Variants in GYG2 observed in about 807,000 individuals in gnomAD.
GYG2 encodes glycogenin 2, also known as glycogenin-2.
In GYG2, 29 loss-of-function variants were observed where a neutral mutation model predicts 29.4. The observed-to-expected ratio is 0.99, with a 90% CI of 0.74 to 1.35. The LOEUF is 1.35. Ranked by LOEUF, GYG2 falls within the 40% of genes most tolerant of loss-of-function variation. The probability of loss-of-function intolerance (pLI) is 0.00; values close to 1 mark genes in which losing one functional copy is unlikely to be tolerated. For missense variants in GYG2, 370 were observed against 385.7 expected, an observed-to-expected ratio of 0.96 and a Z score of 0.34; for synonymous variants, 167 against 172.3, an observed-to-expected ratio of 0.97 and a Z score of 0.24.
rs1569064638 is a variant in GYG2, at chrX:2,856,760, C to CTATCTATG, written c.614+143_614+144insGTATCTAT. The stretch of plus-strand genomic sequence containing the variant: ...ATCATCTATCTATCTATGTATCTAT[C>CTATCTATG]TATCTATCTATCTATCTATCTATCT... On this transcript the variant is annotated intron_variant, in intron 6 of 10. Transcript: ENST00000398806. 240 of 372,012 alleles carry CTATCTATG rather than the reference C, an allele frequency of 6.5e-4. 2 individuals are homozygous for CTATCTATG. Among genetic ancestry groups the CTATCTATG allele is most frequent in the South Asian group, 4.7e-3 (107 of 22,681 alleles). 30.7% of individuals were successfully genotyped at this position (372,012 alleles called of 1,213,427 possible). A position where few individuals can be genotyped will look rare whatever the true frequency, so the allele number is the denominator to read the frequency against.
At chrX:2,854,523 AC>A (rs2087935903) in intron 4 of GYG2, among the ~76,000 whole-genome samples, 1 of 111,913 alleles carries the variant, frequency 8.9e-6, no homozygotes. Flanking sequence ...GGCATAACAT[AC>A]CCCCGAGCAC....
At chrX:2,859,620 T>C (rs1427138686) in intron 6 of GYG2, among the ~76,000 whole-genome samples, 1 of 110,995 alleles carries the variant, frequency 9.0e-6, no homozygotes, top group Non-Finnish European at 1.9e-5. Context: ...ATGGGTCATA[T>C]ATTGATTACT....
chrX:2,855,316 G>A (rs1765653276), intron 5 of GYG2, among the ~76,000 whole-genome samples, 161 bp downstream of exon 5: 1 of 111,952 alleles, frequency 8.9e-6, no homozygotes, highest in Admixed American at 9.5e-5. Context: ...TTGTATGAAC[G>A]TCCCAGAGTG....
At chrX:2,858,226 C>T (rs1001985201) in intron 6 of GYG2, among the ~76,000 whole-genome samples, 5 of 111,415 alleles carry the variant, frequency 4.5e-5, no homozygotes, top group Admixed American at 9.6e-5. Context: ...CTTTGGGGGC[C>T]GAGGTGGGCG....
intron 9 of GYG2, among the ~76,000 whole-genome samples, chrX:2,876,805 T>C (rs769263647): frequency 1.3e-3 from 146 of 109,594 alleles, no homozygotes; most frequent in African/African-American, 4.3e-3. Context: ...AAAAATTAGC[T>C]GGGCGTGGTG....
chrX:2,868,451 C>T (rs185689335), intron 8 of GYG2, among the ~76,000 whole-genome samples: 1,108 of 91,778 alleles, frequency 0.012, 25 homozygotes, highest in African/African-American at 0.043. Flanking sequence ...AGTGAGACTC[C>T]GTCTCAAAAA....
At chrX:2,830,600 C>T (rs2087242807) in intron 2 of GYG2, among the ~76,000 whole-genome samples, 1 of 111,627 alleles carries the variant, frequency 9.0e-6, no homozygotes, top group Non-Finnish European at 1.9e-5. Context: ...GAACTCAGAC[C>T]ACGGTTTTAA....
At chrX:2,878,692 C>T (rs1477119747) in intron 10 of GYG2, among the ~76,000 whole-genome samples, 3 of 111,940 alleles carry the variant, frequency 2.7e-5, no homozygotes, top group African/African-American at 9.7e-5. Context: ...GTGCTTGGCT[C>T]ATAAAGATGA....
At position 2,828,989 on chromosome X, in the gene GYG2, T is replaced by TAGGGGGCTGC; in HGVS notation, c.-129+20_-129+29dup. On this transcript the variant is annotated intron_variant, in intron 1 of 10. Transcript: ENST00000398806. Reference sequence around the variant, plus strand: ...AGCGCGGAAGAGGTGCGGGGGGCTGTAGGGGGCTGCAGGGGACCGTGGGCA... The same window carrying TAGGGGGCTGC: ...AGCGCGGAAGAGGTGCGGGGGGCTGTAGGGGGCTGCAGGGGGCTGCAGGGGACCGTGGGCA... The TAGGGGGCTGC allele has an allele frequency of 1.0e-5, 1 of 99,656 alleles. No individual in the cohort carries two copies. The highest frequency in any genetic ancestry group is 3.8e-5 in the African/African-American group (1 of 26,501). 8.2% of individuals were successfully genotyped at this position (99,656 alleles called of 1,213,427 possible). A position where few individuals can be genotyped will look rare whatever the true frequency, so the allele number is the denominator to read the frequency against.
At chrX:2,854,805 G>A (rs528488050) in intron 4 of GYG2, among the ~76,000 whole-genome samples, 188 bp from the exon 5 acceptor site, 1 of 111,845 alleles carries the variant, frequency 8.9e-6, no homozygotes, top group East Asian at 2.8e-4. Context: ...GGTAACAGGT[G>A]CCTGTAATCC....
chrX:2,864,746 G>A (rs760441483), intron 8 of GYG2, among the ~76,000 whole-genome samples: 3 of 109,805 alleles, frequency 2.7e-5, no homozygotes, highest in Admixed American at 9.7e-5. Flanking sequence ...GATCTTAGAA[G>A]CATTCTTCTT....
chrX:2,860,207 C>T (rs1399883058), intron 7 of GYG2, 142 bp downstream of exon 7: 1 of 439,580 alleles, frequency 2.3e-6, no homozygotes, highest in Admixed American at 4.3e-5. Context: ...GAGAAGCAAG[C>T]ACCTGTTAAA....
chrX:2,854,948 G>A (rs2087947372), intron 4 of GYG2, 45 bp from the exon 5 acceptor site: 1 of 1,183,644 alleles, frequency 8.4e-7, no homozygotes, highest in East Asian at 3.0e-5. Flanking sequence ...AGAAGCATTG[G>A]TAAAAGAAGC....
Position 2,882,299 on chromosome X carries a change from G to T in GYG2, c.*1086G>T, listed in dbSNP as rs1052638280. 1.8e-5 allele frequency: 2 copies of T among 110,585 alleles called. No individual in the cohort carries two copies. Among genetic ancestry groups the T allele is most frequent in the Admixed American group, 9.7e-5 (1 of 10,315 alleles). 9.1% of individuals were successfully genotyped at this position (110,585 alleles called of 1,213,427 possible). A position where few individuals can be genotyped will look rare whatever the true frequency, so the allele number is the denominator to read the frequency against. Reference sequence around the variant, plus strand: ...GTGCGACTTTTGAAATGTTTGGAAGGTTTATTTCTCATGCACATTCCAGGG... The same window carrying T: ...GTGCGACTTTTGAAATGTTTGGAAGTTTTATTTCTCATGCACATTCCAGGG... On this transcript the variant is annotated 3_prime_UTR_variant, in exon 11 of 11. Transcript: ENST00000398806.
At position 2,842,434 on chromosome X, in the gene GYG2, T is replaced by C. The variant is rs145587011; in HGVS notation, c.8-779T>C. Among the ~76,000 whole-genome samples, 200 of 109,919 alleles carry C rather than the reference T, an allele frequency of 1.8e-3. 1 individual carries two copies. Among genetic ancestry groups the C allele is most frequent in the African/African-American group, 5.9e-3 (179 of 30,194 alleles). Reference sequence around the variant, plus strand: ...CTGGTTTCAAACTCCTGGGCTCAAATGATCCCCCTTCTTCGACCCTAGCAC... The same window carrying C: ...CTGGTTTCAAACTCCTGGGCTCAAACGATCCCCCTTCTTCGACCCTAGCAC... On this transcript the variant is annotated intron_variant, in intron 2 of 10. Transcript: ENST00000398806.
At chrX:2,852,886 A>T (rs960345630) in intron 3 of GYG2, 2 of 112,606 alleles carry the variant, frequency 1.8e-5, no homozygotes, top group African/African-American at 3.2e-5. Context: ...CAGTGAACAC[A>T]TTACATTCTA....
intron 2 of GYG2, among the ~76,000 whole-genome samples, chrX:2,834,098 T>C (rs1463151278): frequency 2.7e-5 from 3 of 112,639 alleles, no homozygotes; most frequent in Admixed American, 9.4e-5. Flanking sequence ...CTGTGAGGAA[T>C]GCAGGATGCA....
chrX:2,857,001 A>G (rs2088022832), intron 6 of GYG2, among the ~76,000 whole-genome samples: 1 of 106,033 alleles, frequency 9.4e-6, no homozygotes, highest in Non-Finnish European at 2.0e-5. Context: ...CTATCTATCT[A>G]TCTATCTATC....
chrX:2,879,393 G>A (rs902592705), intron 10 of GYG2, among the ~76,000 whole-genome samples: 88 of 107,666 alleles, frequency 8.2e-4, no homozygotes, highest in African/African-American at 2.9e-3. Flanking sequence ...TCAGCCTCCC[G>A]GGTAGCTGGG....
Sources: gnomAD v4.1 joint callset for allele counts (sites outside exome capture counted in the v4.1 genomes callset) on GRCh38, gnomAD v4.1.1 for gene constraint, MANE v1.5 for transcripts, NCBI Gene and HGNC (gene_info 2026-07-23, HGNC 2026-07-21) for gene names.